The following DHX32 variants were observed in gnomAD, a reference collection of about 807,000 sequenced individuals.
DHX32 encodes DEAH-box helicase 32 (putative).
In DHX32, 51 loss-of-function variants were observed where a neutral mutation model predicts 70.0. The ratio of observed to expected loss-of-function variants is 0.73; its 90% CI spans 0.58 to 0.92. DHX32 has a LOEUF of 0.92. Among genes scored for constraint, DHX32 ranks in the 40% least tolerant of loss-of-function variants. The pLI, the probability that DHX32 is intolerant of heterozygous loss-of-function variation, is 0.00. For synonymous variants in DHX32, 310 were observed against 315.3 expected (o/e 0.98, Z 0.18); for missense variants, 762 against 891.8 (o/e 0.85, Z 1.85).
At position 125,881,099 on chromosome 10, in the gene DHX32, A is replaced by C; in HGVS notation, c.-275T>G. ...AAGAAACAAACAAACAAAAAGAGTA[A>C]GGAAAATTAGGAACACATATAAGTT... On this transcript the variant is annotated 5_prime_UTR_variant, in exon 1 of 11. Transcript: ENST00000284690. 1 of 336,276 alleles carries C rather than the reference A, an allele frequency of 3.0e-6. No individual in the cohort carries two copies. Among genetic ancestry groups the C allele is most frequent in the Non-Finnish European group, 5.3e-6 (1 of 187,604 alleles). The allele number at this position is 336,276 out of a possible 1,614,324, so 20.8% of individuals were successfully genotyped here.
At chr10:125,867,833 T>C (rs1944232745) in intron 1 of DHX32, among the ~76,000 whole-genome samples, 1 of 152,196 alleles carries the variant, frequency 6.6e-6, no homozygotes, top group Admixed American at 6.5e-5. Flanking sequence ...AGAGATTATT[T>C]TCTTTTTGAT....
At chr10:125,860,384 C>T (rs1944179005) in intron 2 of DHX32, among the ~76,000 whole-genome samples, 1 of 152,198 alleles carries the variant, frequency 6.6e-6, no homozygotes, top group South Asian at 2.1e-4. Context: ...TAAAATTATA[C>T]ACTTTTCAAG....
intron 7 of DHX32, chr10:125,841,273 G>T: frequency 6.2e-7 from 1 of 1,614,122 alleles, no homozygotes; most frequent in Non-Finnish European, 8.5e-7. Flanking sequence ...AAAACCTGAG[G>T]TGCTTGGAGG....
chr10:125,857,437 T>C (rs965769037), intron 3 of DHX32, among the ~76,000 whole-genome samples: 2 of 152,224 alleles, frequency 1.3e-5, no homozygotes, highest in East Asian at 3.8e-4. Flanking sequence ...AGCTCACCTT[T>C]AGAGGGTCCA....
At chr10:125,854,349 T>C (rs1944127975) in intron 3 of DHX32, 146 bp from the exon 4 acceptor site, 16 of 658,712 alleles carry the variant, frequency 2.4e-5, no homozygotes, top group Non-Finnish European at 3.6e-5. Flanking sequence ...CATGTATCTT[T>C]AAATAAGTAA....
chr10:125,855,370 T>C (rs944735564), intron 3 of DHX32, among the ~76,000 whole-genome samples: 9 of 151,962 alleles, frequency 5.9e-5, no homozygotes, highest in African/African-American at 1.9e-4. Context: ...TGGTGCAACT[T>C]AACAGCTAAC....
intron 6 of DHX32, among the ~76,000 whole-genome samples, chr10:125,848,215 G>A (rs1452838655): frequency 1.3e-5 from 2 of 152,088 alleles, no homozygotes; most frequent in Non-Finnish European, 2.9e-5. Flanking sequence ...ACAATGTCTA[G>A]GGCCTCTGGG....
chr10:125,895,415 C>G (rs1179464696), intron 1 of DHX32, among the ~76,000 whole-genome samples: 1 of 151,378 alleles, frequency 6.6e-6, no homozygotes, highest in Non-Finnish European at 1.5e-5. Flanking sequence ...AATCCTGCAG[C>G]CCCCCACACC....
intron 1 of DHX32, among the ~76,000 whole-genome samples, chr10:125,895,968 G>C (rs75296126): frequency 0.19 from 28,032 of 148,838 alleles, no homozygotes; most frequent in Non-Finnish European, 0.23. Context: ...GCCCGGGCTC[G>C]GAGGGAGCCC....
At chr10:125,844,364 A>G (rs1854955756) in intron 6 of DHX32, among the ~76,000 whole-genome samples, 1 of 152,250 alleles carries the variant, frequency 6.6e-6, no homozygotes, top group Admixed American at 6.5e-5. Context: ...CCCTTTAAGC[A>G]TCTGGCTTGA....
chr10:125,855,694 C>T (rs1944141789), intron 3 of DHX32, among the ~76,000 whole-genome samples: 1 of 152,180 alleles, frequency 6.6e-6, no homozygotes, highest in South Asian at 2.1e-4. Flanking sequence ...TCATGATCTG[C>T]CTGCCTTGGC....
chr10:125,890,909 A>T (rs549653743), intron 1 of DHX32, among the ~76,000 whole-genome samples: 1 of 152,198 alleles, frequency 6.6e-6, no homozygotes, highest in Non-Finnish European at 1.5e-5. Flanking sequence ...CGTCTCACTT[A>T]AAAAATAGAG....
rs372661896 is a variant in DHX32, at chr10:125,836,787, T to G, written c.2132A>C (p.Gln711Pro). The G allele has an allele frequency of 3.7e-6, 6 of 1,614,046 alleles. No homozygotes were observed. Among genetic ancestry groups the G allele is most frequent in the Admixed American group, 1.7e-5 (1 of 60,002 alleles). Residue 711 changes from glutamine (Q) to proline (P), a missense_variant, in exon 11 of 11, where the codon CAG becomes CCG. Physicochemically the swap from Gln to Pro is moderately conservative, Grantham distance 76. Coordinates refer to ENST00000284690, the MANE Select transcript of DHX32 (RefSeq NM_018180.3). The part of the protein sequence containing the change: ...LPPSESKDIL[Q>P]QVVDHLSPVS... ...AGGGGATAGGTGATCCACTACTTGC[T>G]GTAGAATGTCCTTACTTTCACTAGG...
intron 6 of DHX32, among the ~76,000 whole-genome samples, chr10:125,844,782 A>G (rs1199316217): frequency 6.6e-6 from 1 of 152,192 alleles, no homozygotes; most frequent in African/African-American, 2.4e-5. Context: ...TGGCAGTGCA[A>G]AATCAGACTG....
chr10:125,860,197 G>A (rs550239205), intron 2 of DHX32, among the ~76,000 whole-genome samples: 1 of 152,056 alleles, frequency 6.6e-6, no homozygotes, highest in African/African-American at 2.4e-5. Flanking sequence ...TTCATGGACT[G>A]CCCCCTACAA....
chr10:125,888,042 T>C (rs1944349377), intron 1 of DHX32, among the ~76,000 whole-genome samples: 1 of 152,214 alleles, frequency 6.6e-6, no homozygotes, highest in African/African-American at 2.4e-5. Context: ...TAAATTAGTC[T>C]GCAAAAATAA....
upstream of DHX32, among the ~76,000 whole-genome samples, chr10:125,884,918 C>T (rs79374972): frequency 0.018 from 2,686 of 152,186 alleles, 82 homozygotes; most frequent in African/African-American, 0.061. Flanking sequence ...CTCTCTTCCC[C>T]TTTCTCTCTT....
intron 1 of DHX32, among the ~76,000 whole-genome samples, chr10:125,894,692 T>C (rs1944411906): frequency 6.6e-6 from 1 of 152,308 alleles, no homozygotes; most frequent in Non-Finnish European, 1.5e-5. Flanking sequence ...TTTAAAAAAA[T>C]ACTAATGCTA....
intron 6 of DHX32, among the ~76,000 whole-genome samples, chr10:125,843,391 ACCAG>A (rs1854933891): frequency 6.6e-6 from 1 of 152,164 alleles, no homozygotes; most frequent in Non-Finnish European, 1.5e-5. Flanking sequence ...CGGGAGGATC[ACCAG>A]GTCAGGAGAT....
Sources: gnomAD v4.1 joint callset for allele counts (sites outside exome capture counted in the v4.1 genomes callset) on GRCh38, gnomAD v4.1.1 for gene constraint, MANE v1.5 for transcripts, NCBI Gene and HGNC (gene_info 2026-07-23, HGNC 2026-07-21) for gene names.